Variants in NHEJ1 observed in about 807,000 individuals in gnomAD.
The protein encoded by NHEJ1 is non-homologous end joining factor 1.
Under a neutral mutation model 39.4 loss-of-function variants are expected in NHEJ1, and 22 were observed. The ratio of observed to expected loss-of-function variants is 0.56; its 90% CI spans 0.40 to 0.80. The LOEUF (loss-of-function observed/expected upper bound fraction) is 0.80, where lower values mean the gene tolerates loss of function less well. Among genes scored for constraint, NHEJ1 ranks in the 30% least tolerant of loss-of-function variants. NHEJ1 has a pLI of 0.00. For missense variants in NHEJ1, 329 were observed against 357.1 expected (o/e 0.92, Z 0.63); for synonymous variants, 154 against 135.6 (o/e 1.14, Z -0.94).
chr2:219,096,696 G>A (rs1047206920), intron 5 of NHEJ1, among the ~76,000 whole-genome samples: 2 of 152,154 alleles, frequency 1.3e-5, no homozygotes, highest in African/African-American at 4.8e-5. Flanking sequence ...GATATCTGGG[G>A]CACAAGTGTT....
intron 5 of NHEJ1, among the ~76,000 whole-genome samples, chr2:219,100,447 C>CAAA (rs56196554): frequency 8.2e-5 from 11 of 134,004 alleles, no homozygotes; most frequent in Non-Finnish European, 9.4e-5. Flanking sequence ...TACTAAAATG[C>CAAA]AAAAAAAAAA....
rs1322307473 is a variant in NHEJ1 at position 219,075,119 on chromosome 2, GT to G, written c.*1261del. Among the ~76,000 whole-genome samples the G allele has an allele frequency of 6.6e-6, 1 of 152,158 alleles. No individual in the cohort carries two copies. Among genetic ancestry groups the G allele is most frequent in the East Asian group, 1.9e-4 (1 of 5,200 alleles). ...TTTCATTAGTGTATATAATAATGCT[GT>G]TAAGAACTCAGCTGTCTGGGCTTAA... On this transcript the variant is annotated 3_prime_UTR_variant, in exon 8 of 8. Transcript: ENST00000356853.
chr2:219,118,281 C>G (rs1574722786), intron 5 of NHEJ1, among the ~76,000 whole-genome samples: 1 of 152,322 alleles, frequency 6.6e-6, no homozygotes, highest in East Asian at 1.9e-4. Flanking sequence ...GGATTTCATT[C>G]TTTTCACGAA....
rs761509182 is a variant in NHEJ1 at position 219,076,217 on chromosome 2, A to C, written c.*164T>G. On this transcript the variant is annotated 3_prime_UTR_variant, in exon 8 of 8. Transcript: ENST00000356853. ...GCTTCCACTTGAACAGGGAAGGCCA[A>C]TTCCCTGTGGGCCTGTCAACATCAA... The C allele has an allele frequency of 7.8e-5, 115 of 1,478,414 alleles. No homozygotes were observed. The highest frequency in any genetic ancestry group is 8.4e-5 in the Non-Finnish European group (92 of 1,098,996). The allele number at this position is 1,478,414 out of a possible 1,614,324, so 91.6% of individuals were successfully genotyped here. A position where few individuals can be genotyped will look rare whatever the true frequency, so the allele number is the denominator to read the frequency against.
At chr2:219,141,772 T>G (rs1257916571) in intron 5 of NHEJ1, among the ~76,000 whole-genome samples, 1 of 151,986 alleles carries the variant, frequency 6.6e-6, no homozygotes, top group Non-Finnish European at 1.5e-5. Flanking sequence ...GGGGTCTAGA[T>G]GAGATGACCC....
At chr2:219,089,573 T>C (rs1388212983) in intron 5 of NHEJ1, among the ~76,000 whole-genome samples, 3 of 152,172 alleles carry the variant, frequency 2.0e-5, no homozygotes, top group African/African-American at 4.8e-5. Context: ...TTCCAGGGGA[T>C]AGGAGACAGG....
chr2:219,079,061 T>C (rs1276205681), intron 5 of NHEJ1, among the ~76,000 whole-genome samples: 1 of 152,244 alleles, frequency 6.6e-6, no homozygotes, highest in Non-Finnish European at 1.5e-5. Flanking sequence ...GAATGAACTG[T>C]GGACTTACAT....
intron 5 of NHEJ1, among the ~76,000 whole-genome samples, chr2:219,081,629 A>G (rs950260286): frequency 7.9e-5 from 12 of 152,222 alleles, no homozygotes; most frequent in African/African-American, 2.7e-4. Context: ...CAAAGATAGT[A>G]ACTCAGAGTT....
chr2:219,109,682 G>A (rs1462911741), intron 5 of NHEJ1, among the ~76,000 whole-genome samples: 1 of 152,288 alleles, frequency 6.6e-6, no homozygotes, highest in African/African-American at 2.4e-5. Flanking sequence ...GCAAGGAGGC[G>A]TGGGTTGGGA....
intron 6 of NHEJ1, among the ~76,000 whole-genome samples, chr2:219,077,844 C>T (rs1396147295): frequency 2.6e-5 from 4 of 152,110 alleles, no homozygotes; most frequent in Admixed American, 6.6e-5. Flanking sequence ...GCCACCCAAT[C>T]GAACTTTCTG....
At chr2:219,139,307 T>G (rs932757055) in intron 5 of NHEJ1, among the ~76,000 whole-genome samples, 1 of 152,118 alleles carries the variant, frequency 6.6e-6, no homozygotes, top group Non-Finnish European at 1.5e-5. Context: ...AGGCTGGTCT[T>G]GAACTCTTAA....
intron 5 of NHEJ1, among the ~76,000 whole-genome samples, chr2:219,135,957 C>A (rs759025425): frequency 6.6e-6 from 1 of 152,168 alleles, no homozygotes; most frequent in South Asian, 2.1e-4. Context: ...CCCCCTGGAG[C>A]GCAGTCTGTT....
rs368706049 is a variant in NHEJ1 at position 219,111,628 on chromosome 2, G to GACACACACACACACACACACACACAC, written c.589-33448_589-33423dup. The stretch of plus-strand genomic sequence containing the variant: ...GAATTAAGTCTACAGTGTGAATACA[G>GACACACACACACACACACACACACAC]ACACACACACACACACACACACACA... On this transcript the variant is annotated intron_variant, in intron 5 of 7. Coordinates refer to ENST00000356853, the MANE Select transcript of NHEJ1 (RefSeq NM_024782.3). The surrounding 1 kb of genome is among the most constrained non-coding windows in gnomAD (Gnocchi z 4.1). Among the ~76,000 whole-genome samples, 1 of 138,370 alleles carries GACACACACACACACACACACACACAC rather than the reference G, an allele frequency of 7.2e-6. No homozygotes were observed. The highest frequency in any genetic ancestry group is 2.8e-5 in the African/African-American group (1 of 36,022). The allele number at this position is 138,370 out of a possible 152,430, so 90.8% of individuals were successfully genotyped here. A position where few individuals can be genotyped will look rare whatever the true frequency, so the allele number is the denominator to read the frequency against.
In NHEJ1 at chr2:219,071,297, C is replaced by G. The variant is rs193084373; in HGVS notation, c.*5084G>C. Among the ~76,000 whole-genome samples the G allele has an allele frequency of 9.2e-5, 14 of 152,294 alleles. No individual in the cohort carries two copies. In the East Asian group the frequency reaches 2.5e-3, roughly 27 times the overall value. ...CTCCTGTCACCCATTTCTGACTGGC[C>G]GTCAATCCTATCAGGGGTCCATAAA... On this transcript the variant is annotated 3_prime_UTR_variant, in exon 8 of 8. Coordinates refer to ENST00000356853, the MANE Select transcript of NHEJ1 (RefSeq NM_024782.3).
chr2:219,083,955 T>C (rs559329960), intron 5 of NHEJ1, among the ~76,000 whole-genome samples: 1 of 152,026 alleles, frequency 6.6e-6, no homozygotes, highest in East Asian at 1.9e-4. Flanking sequence ...TATCTCTGGA[T>C]AGTCTCATAA....
intron 5 of NHEJ1, among the ~76,000 whole-genome samples, chr2:219,112,023 G>C (rs544398705): frequency 6.6e-6 from 1 of 152,270 alleles, no homozygotes; most frequent in African/African-American, 2.4e-5. Flanking sequence ...AAGCAAATAA[G>C]GCAGTCTCTG....
intron 5 of NHEJ1, among the ~76,000 whole-genome samples, chr2:219,108,427 T>C (rs140598781): frequency 1.6e-3 from 246 of 152,292 alleles, no homozygotes; most frequent in African/African-American, 5.7e-3. Context: ...GCCTATGTCT[T>C]TGAGCAAGCA....
At chr2:219,098,787 A>C (rs1268365228) in intron 5 of NHEJ1, among the ~76,000 whole-genome samples, 1 of 152,178 alleles carries the variant, frequency 6.6e-6, no homozygotes, top group Non-Finnish European at 1.5e-5. Flanking sequence ...TCTGTCTCTA[A>C]AAAAATTTTT....
At position 219,072,231 on chromosome 2, in the gene NHEJ1, C is replaced by G. The variant is rs1411309040; in HGVS notation, c.*4150G>C. Among the ~76,000 whole-genome samples the G allele has an allele frequency of 6.6e-6, 1 of 152,150 alleles. No individual in the cohort carries two copies. The highest frequency in any genetic ancestry group is 1.5e-5 in the Non-Finnish European group (1 of 68,016). The stretch of plus-strand genomic sequence containing the variant: ...CAATGAGCTGCCCTGGACAAGAGCA[C>G]CCTGTAGCAGCTTCCAGGGCATCAA... On this transcript the variant is annotated 3_prime_UTR_variant, in exon 8 of 8. Coordinates refer to ENST00000356853, the MANE Select transcript of NHEJ1 (RefSeq NM_024782.3).
Sources: allele counts gnomAD v4.1 joint callset (sites outside exome capture counted in the v4.1 genomes callset), GRCh38; gene constraint gnomAD v4.1.1; non-coding constraint Gnocchi (gnomAD v3.1); transcripts MANE v1.5; gene names NCBI Gene and HGNC (gene_info 2026-07-23, HGNC 2026-07-21).